TENM3: variants seen among roughly 807,000 people sequenced by gnomAD.
The protein encoded by TENM3 is teneurin-3.
In TENM3, 63 loss-of-function variants were observed where a neutral mutation model predicts 255.1. That is an observed-to-expected ratio of 0.25 (90% CI 0.20 to 0.30). The LOEUF (loss-of-function observed/expected upper bound fraction) is 0.30. Ranked by LOEUF, TENM3 falls within the 10% of genes least tolerant of loss-of-function variation. TENM3 has a pLI of 1.00. For missense variants in TENM3, 2,929 were observed against 3,461.1 expected, an observed-to-expected ratio of 0.85 and a Z score of 3.86; for synonymous variants, 1,306 against 1,322.3, an observed-to-expected ratio of 0.99 and a Z score of 0.27.
intron 24 of TENM3, among the ~76,000 whole-genome samples, chr4:182,785,710 GAT>G (rs1765590544): frequency 1.3e-4 from 2 of 15,264 alleles, no homozygotes; most frequent in African/African-American, 4.9e-4. Flanking sequence ...CCTGTCTCAA[GAT>G]AAAAAAAAAA....
the TENM3 span, among the ~76,000 whole-genome samples, chr4:181,849,949 T>TCTCTCTCTCACACACA: frequency 0.019 from 1,228 of 65,952 alleles, 32 homozygotes; most frequent in South Asian, 0.06. Flanking sequence ...TCTCTCTCTC[T>TCTCTCTCTCACACACA]CACACACACA....
chr4:182,252,058 C>T (rs906273524), intron 1 of TENM3, among the ~76,000 whole-genome samples: 1 of 151,974 alleles, frequency 6.6e-6, no homozygotes, highest in African/African-American at 2.4e-5. Context: ...TGGTACATGC[C>T]TGTAGTCCCA....
chr4:181,491,862 C>T, the TENM3 span, among the ~76,000 whole-genome samples: 1 of 152,004 alleles, frequency 6.6e-6, no homozygotes, highest in Non-Finnish European at 1.5e-5. Context: ...TGACAGTTGG[C>T]CTTAACAAGG....
the TENM3 span, among the ~76,000 whole-genome samples, chr4:181,918,159 A>G: frequency 6.6e-6 from 1 of 152,236 alleles, no homozygotes. Flanking sequence ...TTAAATAACT[A>G]GTTAGCTACA....
chr4:182,702,801 G>A (rs1757985771), intron 12 of TENM3, among the ~76,000 whole-genome samples: 3 of 151,246 alleles, frequency 2.0e-5, no homozygotes, highest in Admixed American at 1.3e-4. Flanking sequence ...GCAGTGGTGC[G>A]ATCTCGGCTC....
At chr4:181,803,591 ATGGTCC>A in the TENM3 span, among the ~76,000 whole-genome samples, 1 of 152,098 alleles carries the variant, frequency 6.6e-6, no homozygotes, top group Admixed American at 6.5e-5. Context: ...AGATGCCTCC[ATGGTCC>A]AGGCCAGTAA....
the TENM3 span, among the ~76,000 whole-genome samples, chr4:181,579,857 G>A: frequency 6.6e-6 from 1 of 151,940 alleles, no homozygotes; most frequent in African/African-American, 2.4e-5. Context: ...TACCCACCTG[G>A]GCTAAGTTCA....
chr4:182,705,589 T>A (rs1035907872), intron 12 of TENM3, among the ~76,000 whole-genome samples: 19 of 152,120 alleles, frequency 1.2e-4, no homozygotes, highest in African/African-American at 4.6e-4. Flanking sequence ...CTACCTGACG[T>A]CTATATAACC....
chr4:182,635,180 G>A (rs1034909351), intron 5 of TENM3, among the ~76,000 whole-genome samples: 1 of 152,206 alleles, frequency 6.6e-6, no homozygotes, highest in African/African-American at 2.4e-5. Context: ...CTATATTGTG[G>A]TGGTATATTT....
Position 182,616,592 on chromosome 4 carries a change from AG to A in TENM3, c.750-12058del, listed in dbSNP as rs1561008251. 6.5e-4 allele frequency among the ~76,000 whole-genome samples: 92 copies of A among 142,510 alleles called. 2 individuals carry two copies. Among genetic ancestry groups the A allele is most frequent in the Admixed American group, 1.5e-3 (20 of 13,588 alleles). The allele number at this position is 142,510 out of a possible 152,430, so 93.5% of individuals were successfully genotyped here. A position where few individuals can be genotyped will look rare whatever the true frequency, so the allele number is the denominator to read the frequency against. On this transcript the variant is annotated intron_variant, in intron 4 of 27. Coordinates refer to ENST00000511685, the MANE Select transcript of TENM3 (RefSeq NM_001080477.4). ...AACACAGTGAAAAAAAAAAAAAAAA[AG>A]ATAGGTAACTGCAGAACACCTTTTG...
chr4:181,517,373 G>A, the TENM3 span, among the ~76,000 whole-genome samples: 3 of 152,192 alleles, frequency 2.0e-5, no homozygotes, highest in Non-Finnish European at 4.4e-5. Flanking sequence ...CTGGGAAGGA[G>A]ATGGCCCCAG....
At chr4:181,882,691 A>G in the TENM3 span, among the ~76,000 whole-genome samples, 5 of 152,178 alleles carry the variant, frequency 3.3e-5, no homozygotes, top group Non-Finnish European at 5.9e-5. Flanking sequence ...TCTAAACTTT[A>G]TATTTCCATA....
chr4:181,665,192 ATC>A, the TENM3 span, among the ~76,000 whole-genome samples: 1 of 152,150 alleles, frequency 6.6e-6, no homozygotes, highest in Non-Finnish European at 1.5e-5. Flanking sequence ...CCAGAACATC[ATC>A]TCTTTGATAA....
chr4:182,484,775 G>A (rs1308032464), intron 3 of TENM3, among the ~76,000 whole-genome samples: 1 of 152,096 alleles, frequency 6.6e-6, no homozygotes, highest in Non-Finnish European at 1.5e-5. Context: ...TAATGATCAT[G>A]AAAGCTACTT....
the TENM3 span, among the ~76,000 whole-genome samples, chr4:182,003,242 C>A: frequency 6.6e-6 from 1 of 152,022 alleles, no homozygotes; most frequent in Non-Finnish European, 1.5e-5. Context: ...TCTCAGAATT[C>A]TTGGAAAACA....
chr4:182,077,209 G>T, the TENM3 span, among the ~76,000 whole-genome samples: 1 of 151,874 alleles, frequency 6.6e-6, no homozygotes, highest in Admixed American at 6.6e-5. Flanking sequence ...AAATCCTATG[G>T]GTCAGTTCAT....
At chr4:182,103,511 G>T in the TENM3 span, among the ~76,000 whole-genome samples, 1 of 152,166 alleles carries the variant, frequency 6.6e-6, no homozygotes, top group African/African-American at 2.4e-5. Flanking sequence ...AAAGTAGAAT[G>T]AAATACCAGG....
the TENM3 span, among the ~76,000 whole-genome samples, chr4:181,611,331 A>T: frequency 6.6e-6 from 1 of 152,256 alleles, no homozygotes; most frequent in Admixed American, 6.5e-5. Context: ...TAGAGGAGTC[A>T]TCTAGAGTTA....
chr4:182,082,079 G>T, the TENM3 span, among the ~76,000 whole-genome samples: 1 of 152,166 alleles, frequency 6.6e-6, no homozygotes, highest in South Asian at 2.1e-4. Context: ...AATTGCCTTA[G>T]TTCATTCAAG....
Sources: gnomAD v4.1 joint callset for allele counts (sites outside exome capture counted in the v4.1 genomes callset) on GRCh38, gnomAD v4.1.1 for gene constraint, MANE v1.5 for transcripts, NCBI Gene and HGNC (gene_info 2026-07-23, HGNC 2026-07-21) for gene names.